The following ZFHX3 variants were observed in gnomAD, a reference collection of about 807,000 sequenced individuals.
ZFHX3 encodes zinc finger homeobox protein 3.
A neutral mutation model predicts 279.1 loss-of-function variants in ZFHX3; 42 were observed. The ratio of observed to expected loss-of-function variants is 0.15; its 90% CI spans 0.12 to 0.19. ZFHX3 has a LOEUF of 0.19. ZFHX3 is among the 10% of genes least tolerant of loss of function. The pLI is 1.00. For synonymous variants in ZFHX3, 2,293 were observed against 1,957.8 expected (o/e 1.17, Z -4.52); for missense variants, 4,981 against 4,754.0 (o/e 1.05, Z -1.40).
At chr16:73,076,893 GCACA>G (rs57770164) in intron 8 of ZFHX3, among the ~76,000 whole-genome samples, 2 of 149,862 alleles carry the variant, frequency 1.3e-5, no homozygotes, top group Admixed American at 1.3e-4. Context: ...ATATGTATAC[GCACA>G]CACACACACA....
At chr16:72,996,221 T>C (rs1173097784) in intron 1 of ZFHX3, among the ~76,000 whole-genome samples, 2 of 152,142 alleles carry the variant, frequency 1.3e-5, no homozygotes, top group African/African-American at 2.4e-5. Flanking sequence ...GAGGCTGAGA[T>C]TGGAGTGAGC....
At chr16:73,069,936 TCCTC>T (rs1965801982) in intron 8 of ZFHX3, among the ~76,000 whole-genome samples, 1 of 152,192 alleles carries the variant, frequency 6.6e-6, no homozygotes, top group Non-Finnish European at 1.5e-5. Flanking sequence ...ATACACTTCT[TCCTC>T]CCACTACCAT....
chr16:72,820,197 C>A (rs769062415), intron 5 of ZFHX3, among the ~76,000 whole-genome samples: 7 of 152,174 alleles, frequency 4.6e-5, no homozygotes, highest in Non-Finnish European at 7.3e-5. Flanking sequence ...GCTCTGGAAG[C>A]CTCAAGGTGG....
chr16:73,432,981 G>A (rs1378660826), intron 3 of ZFHX3, among the ~76,000 whole-genome samples: 1 of 152,156 alleles, frequency 6.6e-6, no homozygotes, highest in Non-Finnish European at 1.5e-5. Context: ...AGCTCCCAAC[G>A]AGGTCCTGCT....
rs146221134 is a variant in ZFHX3 at position 73,323,808 on chromosome 16, G to A, written c.-1290-5472C>T. ...AACAGACATTCTGGGTAGAGCAGTG[G>A]GTAGCTAGGCAATGTTCCCAGATGG... On this transcript the variant is annotated intron_variant, in intron 3 of 17. Transcript: ENST00000641206. Among the ~76,000 whole-genome samples, 4 of 152,254 alleles carry A rather than the reference G, an allele frequency of 2.6e-5. No homozygotes were observed. The East Asian group carries it at 7.7e-4, about 29-fold the overall frequency.
At chr16:73,457,343 G>A (rs1055681918) in intron 2 of ZFHX3, among the ~76,000 whole-genome samples, 1 of 152,182 alleles carries the variant, frequency 6.6e-6, no homozygotes, top group African/African-American at 2.4e-5. Flanking sequence ...TCCCCCATCG[G>A]TGGCAGCCCC....
chr16:73,634,432 TAATA>T (rs2052508228), intron 2 of ZFHX3, among the ~76,000 whole-genome samples: 1 of 132,760 alleles, frequency 7.5e-6, no homozygotes, highest in African/African-American at 3.2e-5. Context: ...TTATTATGTA[TAATA>T]TATATATATA....
At chr16:73,640,666 T>C (rs140375459) in intron 2 of ZFHX3, among the ~76,000 whole-genome samples, 22 of 151,974 alleles carry the variant, frequency 1.4e-4, no homozygotes, top group Non-Finnish European at 3.1e-4. Flanking sequence ...GAAAAGGCAA[T>C]AGAGGAGAAA....
rs371764205 is a variant in ZFHX3, at chr16:72,801,956, T to G, written c.3865-1827A>C. Among the ~76,000 whole-genome samples the G allele has an allele frequency of 2.6e-5, 4 of 151,828 alleles. No individual in the cohort carries two copies. The East Asian group carries it at 5.8e-4, about 22-fold the overall frequency. On this transcript the variant is annotated intron_variant, in intron 7 of 9. Transcript: ENST00000268489. Reference sequence around the variant, plus strand: ...ACTCCCCCCCACCTCCTTTCTCGGTTGTAGCTGCAAGATCAGTCCTTTCCT... The same window carrying G: ...ACTCCCCCCCACCTCCTTTCTCGGTGGTAGCTGCAAGATCAGTCCTTTCCT...
At chr16:73,095,671 C>T (rs1037160763) in intron 7 of ZFHX3, among the ~76,000 whole-genome samples, 1 of 152,228 alleles carries the variant, frequency 6.6e-6, no homozygotes, top group Admixed American at 6.5e-5. Flanking sequence ...ATTTTATCAT[C>T]ATATTCAATG....
intron 5 of ZFHX3, among the ~76,000 whole-genome samples, chr16:73,179,423 T>C (rs980995861): frequency 6.6e-6 from 1 of 152,202 alleles, no homozygotes; most frequent in Non-Finnish European, 1.5e-5. Context: ...AAGGAGCTCA[T>C]GAACAGTTTT....
chr16:73,721,612 G>GCA (rs2053474563), intron 1 of ZFHX3, among the ~76,000 whole-genome samples: 1 of 152,164 alleles, frequency 6.6e-6, no homozygotes, highest in Admixed American at 6.5e-5. Flanking sequence ...TGCACCATCT[G>GCA]CTCTTCAGCA....
At chr16:73,379,651 C>G (rs12927396) in intron 3 of ZFHX3, among the ~76,000 whole-genome samples, 20,035 of 152,174 alleles carry the variant, frequency 0.13, 2,059 homozygotes, top group East Asian at 0.52. Flanking sequence ...GAAGAGGACC[C>G]TGCTGGTCTT....
intron 7 of ZFHX3, among the ~76,000 whole-genome samples, chr16:73,109,541 T>A (rs1042750340): frequency 2.6e-5 from 4 of 151,844 alleles, no homozygotes; most frequent in Non-Finnish European, 4.4e-5. Context: ...ATACACAAAC[T>A]CGTGAAGCAT....
intron 3 of ZFHX3, among the ~76,000 whole-genome samples, chr16:72,915,178 T>C (rs2039412640): frequency 1.3e-5 from 2 of 152,224 alleles, no homozygotes; most frequent in African/African-American, 4.8e-5. Flanking sequence ...TCTCCAAATA[T>C]CTGGCATTTA....
intron 5 of ZFHX3, among the ~76,000 whole-genome samples, chr16:73,164,620 A>C (rs12149424): frequency 0.43 from 65,110 of 151,446 alleles, 14,143 homozygotes; most frequent in Middle Eastern, 0.55. Flanking sequence ...GAATGGCTTG[A>C]ACCGGGGAGG....
intron 3 of ZFHX3, among the ~76,000 whole-genome samples, chr16:72,912,750 G>C (rs1321207781): frequency 2.6e-5 from 4 of 151,974 alleles, no homozygotes; most frequent in Admixed American, 2.0e-4. Context: ...TTTTTAGACA[G>C]AGTCTCCCTC....
chr16:72,848,033 GA>G (rs2037522505), intron 4 of ZFHX3, among the ~76,000 whole-genome samples: 1 of 152,134 alleles, frequency 6.6e-6, no homozygotes, highest in African/African-American at 2.4e-5. Context: ...TAGCTTCCCA[GA>G]ATAAACTGCC....
At chr16:73,259,727 T>C (rs1026884740) in intron 4 of ZFHX3, among the ~76,000 whole-genome samples, 2 of 152,228 alleles carry the variant, frequency 1.3e-5, no homozygotes, top group African/African-American at 4.8e-5. Flanking sequence ...AGAGAATTTC[T>C]ATATACCCAG....
Sources: gnomAD v4.1 joint callset for allele counts (sites outside exome capture counted in the v4.1 genomes callset) on GRCh38, gnomAD v4.1.1 for gene constraint, MANE v1.5 for transcripts, NCBI Gene and HGNC (gene_info 2026-07-23, HGNC 2026-07-21) for gene names.